Variants in PRKACB observed in about 807,000 individuals in gnomAD.
PRKACB encodes the protein cAMP-dependent protein kinase catalytic subunit beta.
Under a neutral mutation model 51.4 loss-of-function variants are expected in PRKACB, and 16 were observed. That is an observed-to-expected ratio of 0.31 (90% CI 0.21 to 0.47). The LOEUF (loss-of-function observed/expected upper bound fraction) is 0.47. Among genes scored for constraint, PRKACB ranks in the 20% least tolerant of loss-of-function variants. The probability of loss-of-function intolerance (pLI) is 1.00; values close to 1 mark genes in which losing one functional copy is unlikely to be tolerated. For synonymous variants in PRKACB, 147 were observed against 154.4 expected, an observed-to-expected ratio of 0.95 and a Z score of 0.35; for missense variants, 309 against 464.5, an observed-to-expected ratio of 0.67 and a Z score of 3.08.
chr1:84,109,647 T>C (rs1650057774), intron 1 of PRKACB, among the ~76,000 whole-genome samples: 1 of 151,916 alleles, frequency 6.6e-6, no homozygotes, highest in Non-Finnish European at 1.5e-5. Context: ...CCTGAAACAT[T>C]ATGAAAATGA....
chr1:84,191,642 A>G (rs569099070), intron 5 of PRKACB, among the ~76,000 whole-genome samples: 17 of 152,212 alleles, frequency 1.1e-4, no homozygotes, highest in African/African-American at 4.1e-4. Context: ...GTACGTGGAC[A>G]TAAAGATGGA....
At position 84,238,038 on chromosome 1, in the gene PRKACB, T is replaced by C. The variant is rs1407697645; in HGVS notation, c.*2733T>C. 2 of 152,306 alleles carry C rather than the reference T, an allele frequency of 1.3e-5. No individual in the cohort carries two copies. Among genetic ancestry groups the C allele is most frequent in the Non-Finnish European group, 2.9e-5 (2 of 68,004 alleles). 9.4% of individuals were successfully genotyped at this position (152,306 alleles called of 1,614,324 possible). A position where few individuals can be genotyped will look rare whatever the true frequency, so the allele number is the denominator to read the frequency against. On this transcript the variant is annotated 3_prime_UTR_variant, in exon 10 of 10. Transcript: ENST00000370685. ...ATATTTTAGGGCATCTTTCTTCTTA[T>C]CTCTGACAGTGTTCTTAAAATTATT...
chr1:84,215,983 A>C (rs925468764), intron 9 of PRKACB, among the ~76,000 whole-genome samples: 1 of 152,166 alleles, frequency 6.6e-6, no homozygotes, highest in Non-Finnish European at 1.5e-5. Context: ...AAAAAAATTT[A>C]ATGCTCTAAT....
intron 1 of PRKACB, among the ~76,000 whole-genome samples, chr1:84,078,789 G>T (rs1204701468): frequency 6.6e-6 from 1 of 152,100 alleles, no homozygotes; most frequent in East Asian, 1.9e-4. Flanking sequence ...CCATCACTTG[G>T]GTCCGACCCA....
intron 1 of PRKACB, among the ~76,000 whole-genome samples, chr1:84,104,938 A>C (rs1440225829): frequency 6.6e-6 from 1 of 152,116 alleles, no homozygotes. Flanking sequence ...TTTTTGACTT[A>C]ATTCTAGAGT....
At chr1:84,218,466 C>A (rs1673189762) in intron 9 of PRKACB, among the ~76,000 whole-genome samples, 1 of 152,130 alleles carries the variant, frequency 6.6e-6, no homozygotes, top group African/African-American at 2.4e-5. Flanking sequence ...TGTTTCTATC[C>A]ATGTTGCTAC....
chr1:84,216,118 G>T (rs1026889207), intron 9 of PRKACB, among the ~76,000 whole-genome samples: 5 of 152,094 alleles, frequency 3.3e-5, no homozygotes, highest in African/African-American at 1.2e-4. Flanking sequence ...TGGATTGCTT[G>T]AGTCTCACTC....
chr1:84,098,259 A>G (rs192389327), intron 1 of PRKACB, among the ~76,000 whole-genome samples: 17 of 152,238 alleles, frequency 1.1e-4, no homozygotes, highest in Non-Finnish European at 1.9e-4. Context: ...ATGAATATAA[A>G]TAAAAATATT....
chr1:84,208,509 A>G (rs952660183), intron 8 of PRKACB, among the ~76,000 whole-genome samples: 2 of 152,212 alleles, frequency 1.3e-5, no homozygotes, highest in African/African-American at 4.8e-5. Flanking sequence ...GAAAGTGTTT[A>G]TTCTATAAAT....
At chr1:84,120,963 C>T (rs1299501956) in intron 1 of PRKACB, among the ~76,000 whole-genome samples, 4 of 151,960 alleles carry the variant, frequency 2.6e-5, no homozygotes, top group African/African-American at 9.7e-5. Flanking sequence ...CTTTTCAAAT[C>T]TTGATCTTAG....
chr1:84,182,952 C>A (rs896276292), intron 3 of PRKACB, among the ~76,000 whole-genome samples: 1 of 151,762 alleles, frequency 6.6e-6, no homozygotes, highest in South Asian at 2.1e-4. Context: ...AACCTGAGGC[C>A]CAAAGATTTG....
chr1:84,086,491 G>A (rs1648003680), intron 1 of PRKACB, among the ~76,000 whole-genome samples: 1 of 152,140 alleles, frequency 6.6e-6, no homozygotes, highest in African/African-American at 2.4e-5. Context: ...AGAGAGCCCA[G>A]GCCAGCCCAC....
intron 5 of PRKACB, among the ~76,000 whole-genome samples, chr1:84,193,120 C>T (rs576990866): frequency 6.6e-6 from 1 of 152,224 alleles, no homozygotes; most frequent in South Asian, 2.1e-4. Context: ...GATCAGTTAA[C>T]CAGGAGGCAA....
At chr1:84,123,001 C>T (rs530547951) in intron 1 of PRKACB, among the ~76,000 whole-genome samples, 47 of 152,280 alleles carry the variant, frequency 3.1e-4, no homozygotes, top group African/African-American at 1.1e-3. Context: ...TTCTGGCTGA[C>T]TCCGTAGCTT....
At chr1:84,105,879 G>C (rs965942447) in intron 1 of PRKACB, among the ~76,000 whole-genome samples, 1 of 151,984 alleles carries the variant, frequency 6.6e-6, no homozygotes. Flanking sequence ...CACCCAGCTT[G>C]TTAGCATTTT....
At chr1:84,111,951 C>T (rs895580666) in intron 1 of PRKACB, among the ~76,000 whole-genome samples, 1 of 152,014 alleles carries the variant, frequency 6.6e-6, no homozygotes, top group East Asian at 1.9e-4. Context: ...CATCAAAATA[C>T]AGCTGCTTAG....
intron 1 of PRKACB, among the ~76,000 whole-genome samples, chr1:84,133,983 AAGT>A (rs756897597): frequency 6.6e-6 from 1 of 152,118 alleles, no homozygotes; most frequent in Admixed American, 6.5e-5. Flanking sequence ...GAAGGACAGT[AAGT>A]GTGGGGGATT....
At chr1:84,196,533 C>A in intron 5 of PRKACB, 83 bp from the exon 6 acceptor site, 1 of 1,374,294 alleles carries the variant, frequency 7.3e-7, no homozygotes, top group Non-Finnish European at 9.8e-7. Flanking sequence ...ACCTCTACTT[C>A]ATATTAGTTT....
chr1:84,191,135 G>T (rs1285247066), intron 5 of PRKACB, among the ~76,000 whole-genome samples: 1 of 152,062 alleles, frequency 6.6e-6, no homozygotes, highest in African/African-American at 2.4e-5. Flanking sequence ...GAGCTTAAGT[G>T]TGTTTTTGTG....
Sources: gnomAD v4.1 joint callset for allele counts (sites outside exome capture counted in the v4.1 genomes callset) on GRCh38, gnomAD v4.1.1 for gene constraint, MANE v1.5 for transcripts, NCBI Gene and HGNC (gene_info 2026-07-23, HGNC 2026-07-21) for gene names.